Variants in ANKRD10 observed in about 807,000 individuals in gnomAD.
ANKRD10 encodes ankyrin repeat domain 10, also known as ankyrin repeat domain-containing protein 10.
ANKRD10 carries 14 observed loss-of-function variants against 27.0 expected under a neutral mutation model. The ratio of observed to expected loss-of-function variants is 0.52; its 90% confidence interval spans 0.34 to 0.81. The LOEUF (loss-of-function observed/expected upper bound fraction) is 0.81. ANKRD10 is among the 40% of genes least tolerant of loss of function. The probability of loss-of-function intolerance (pLI) is 0.01; values close to 1 mark genes in which losing one functional copy is unlikely to be tolerated. For missense variants in ANKRD10, 493 were observed against 544.0 expected, an observed-to-expected ratio of 0.91 and a Z score of 0.93; for synonymous variants, 250 against 224.5, an observed-to-expected ratio of 1.11 and a Z score of -1.01.
At chr13:110,885,904 A>C (rs905978881) in intron 4 of ANKRD10, among the ~76,000 whole-genome samples, 1 of 152,218 alleles carries the variant, frequency 6.6e-6, no homozygotes, top group South Asian at 2.1e-4. Flanking sequence ...AGGTTAGAAA[A>C]CCGCAACAGA....
At position 110,880,103 on chromosome 13, in the gene ANKRD10, T is replaced by C; in HGVS notation, c.797A>G (p.Asn266Ser). The change falls in exon 6 of 6, where the codon AAC (asparagine) becomes AGC (serine). Residue 266 changes from asparagine to serine, a missense_variant. By Grantham distance (46) the Asn-to-Ser change is conservative. Coordinates refer to ENST00000267339, the MANE Select transcript of ANKRD10 (RefSeq NM_017664.4). ...CAATGTATTCGATACGGAGCTACTG[T>C]TTTTCATATCTGCATTAAGAAATAC... ...REFAVVTDMKNSSSVSNTLTN... is the reference protein window; with the variant it reads ...REFAVVTDMKSSSSVSNTLTN... The C allele has an allele frequency of 6.2e-7, 1 of 1,612,052 alleles. No individual in the cohort carries two copies. The highest frequency in any genetic ancestry group is 8.5e-7 in the Non-Finnish European group (1 of 1,178,394).
chr13:110,883,482 T>G lies in ANKRD10; in HGVS notation c.787+216A>C, dbSNP rs73621183. 1.0e-3 allele frequency: 1,285 copies of G among 1,287,256 alleles called. 11 individuals carry two copies. In the African/African-American group the frequency reaches 0.017, roughly 17 times the overall value. 79.7% of individuals were successfully genotyped at this position (1,287,256 alleles called of 1,614,324 possible). Reference sequence around the variant, plus strand: ...AGATATGCAAATTATAGTATAACATTTTTAAAAAGACACTGGACAACAAAG... The same window carrying G: ...AGATATGCAAATTATAGTATAACATGTTTAAAAAGACACTGGACAACAAAG... On this transcript the variant is annotated intron_variant, in intron 5 of 5. Coordinates refer to ENST00000267339, the MANE Select transcript of ANKRD10 (RefSeq NM_017664.4).
intron 2 of ANKRD10, 136 bp from the exon 3 acceptor site, chr13:110,906,260 G>T: frequency 1.5e-6 from 1 of 671,948 alleles, no homozygotes; most frequent in Non-Finnish European, 2.5e-6. Context: ...ATCTGAAGCA[G>T]AACACAAAGA....
At position 110,893,013 on chromosome 13, in the gene ANKRD10, G is replaced by A. The variant is rs529988455; in HGVS notation, c.691+15C>T. On this transcript the variant is annotated intron_variant, in intron 4 of 5. Transcript: ENST00000267339. The stretch of plus-strand genomic sequence containing the variant: ...AAAAATAAGTGTGCTCTTCCCACCC[G>A]CAAAGCGGTCTCACCTTCAGTTCTA... The A allele has an allele frequency of 2.7e-5, 44 of 1,612,676 alleles. No individual in the cohort carries two copies. The African/African-American group carries it at 4.4e-4, about 16-fold the overall frequency.
chr13:110,885,249 AAAAG>A (rs1244114964), intron 4 of ANKRD10, among the ~76,000 whole-genome samples: 2 of 152,110 alleles, frequency 1.3e-5, no homozygotes, highest in African/African-American at 4.8e-5. Context: ...TCTTTTGAAA[AAAAG>A]AGAGAGAAAA....
intron 3 of ANKRD10, among the ~76,000 whole-genome samples, chr13:110,897,322 A>G (rs2065254572): frequency 7.5e-6 from 1 of 133,742 alleles, no homozygotes; most frequent in African/African-American, 2.9e-5. Context: ...TAATTTTGAG[A>G]GATGTTGCTC....
intron 4 of ANKRD10, among the ~76,000 whole-genome samples, chr13:110,889,733 G>A (rs1269170692): frequency 1.3e-5 from 2 of 152,134 alleles, no homozygotes; most frequent in African/African-American, 4.8e-5. Flanking sequence ...TTTAAAGGGT[G>A]AATTTTACAG....
At chr13:110,906,240 G>A (rs2065529504) in intron 2 of ANKRD10, 116 bp from the exon 3 acceptor site, 1 of 779,768 alleles carries the variant, frequency 1.3e-6, no homozygotes, top group Non-Finnish European at 2.0e-6. Context: ...AGTAAAACAT[G>A]TTGAGCAAGA....
chr13:110,891,962 C>T (rs1212396931), intron 4 of ANKRD10, among the ~76,000 whole-genome samples: 1 of 150,088 alleles, frequency 6.7e-6, no homozygotes, highest in African/African-American at 2.5e-5. Context: ...ATCCTCCTGC[C>T]TCAGCCTCCC....
intron 5 of ANKRD10, 110 bp downstream of exon 5, chr13:110,883,588 C>T: frequency 2.7e-6 from 4 of 1,497,622 alleles, no homozygotes; most frequent in Non-Finnish European, 3.6e-6. Flanking sequence ...GCATTGCTGA[C>T]ACAGTATATA....
chr13:110,897,287 C>T (rs1428980467), intron 3 of ANKRD10, among the ~76,000 whole-genome samples: 2 of 128,512 alleles, frequency 1.6e-5, no homozygotes, highest in Non-Finnish European at 3.2e-5. Context: ...GCTACCATGC[C>T]TGGCTACTTT....
chr13:110,893,920 A>G (rs1343823441), intron 3 of ANKRD10, among the ~76,000 whole-genome samples: 1 of 152,208 alleles, frequency 6.6e-6, no homozygotes, highest in East Asian at 1.9e-4. Flanking sequence ...GGTTCCTTTA[A>G]AAAGGCTTTG....
chr13:110,899,677 A>G (rs1249368019), intron 3 of ANKRD10, among the ~76,000 whole-genome samples: 1 of 152,150 alleles, frequency 6.6e-6, no homozygotes, highest in Non-Finnish European at 1.5e-5. Context: ...TATAAATTCA[A>G]TCTCCTGTAA....
chr13:110,913,467 C>T (rs1255292340), intron 1 of ANKRD10, among the ~76,000 whole-genome samples: 2 of 152,234 alleles, frequency 1.3e-5, no homozygotes, highest in Non-Finnish European at 2.9e-5. Flanking sequence ...GCCACAGGAA[C>T]CTAACAGCCC....
chr13:110,890,035 G>T lies in ANKRD10; in HGVS notation c.691+2993C>A, dbSNP rs529246177. On this transcript the variant is annotated intron_variant, in intron 4 of 5. Transcript: ENST00000267339. Reference sequence around the variant, plus strand: ...ATTTTATATACATGTGTTAAATGAGGAAAAAAGAATTTATCATTTCTTTTA... The same window carrying T: ...ATTTTATATACATGTGTTAAATGAGTAAAAAAGAATTTATCATTTCTTTTA... Among the ~76,000 whole-genome samples the T allele has an allele frequency of 6.6e-5, 10 of 151,802 alleles. No individual in the cohort carries two copies. In the East Asian group the frequency reaches 1.9e-3, roughly 29 times the overall value.
chr13:110,879,518 A>G lies in ANKRD10; in HGVS notation c.*119T>C. On this transcript the variant is annotated 3_prime_UTR_variant, in exon 6 of 6. Coordinates refer to ENST00000267339, the MANE Select transcript of ANKRD10 (RefSeq NM_017664.4). ...ACTTGTCGAAGTTTACTTTTTCAGA[A>G]AGTTGAAGTATATAAAAAACGTACA... The G allele has an allele frequency of 1.2e-5, 9 of 776,284 alleles. No individual in the cohort carries two copies. The South Asian group carries it at 1.4e-4, about 12-fold the overall frequency. The allele number at this position is 776,284 out of a possible 1,614,324, so 48.1% of individuals were successfully genotyped here.
Position 110,893,207 on chromosome 13 carries a change from T to G in ANKRD10, c.512A>C (p.Gln171Pro), listed in dbSNP as rs149898477. 5.6e-5 allele frequency: 90 copies of G among 1,614,082 alleles called. No homozygotes were observed. The highest frequency in any genetic ancestry group is 1.6e-4 in the Middle Eastern group (1 of 6,084). Residue 171 changes from glutamine to proline, a missense_variant, in exon 4 of 6, where the codon CAA becomes CCA. Transcript: ENST00000267339. ...AADIAQTQGF[Q>P]ECAQFLLNLQ... Reference sequence around the variant, plus strand: ...GTTCAAGAGAAACTGGGCACACTCTTGGAAACCCTGGGTTTGTGCAATGTC... The same window carrying G: ...GTTCAAGAGAAACTGGGCACACTCTGGGAAACCCTGGGTTTGTGCAATGTC...
intron 4 of ANKRD10, among the ~76,000 whole-genome samples, chr13:110,892,344 T>G (rs1348085174): frequency 7.3e-6 from 1 of 137,520 alleles, no homozygotes; most frequent in East Asian, 2.3e-4. Flanking sequence ...ACAGGAGAAT[T>G]GCTTTAACTT....
chr13:110,898,741 TTTTC>T (rs2065296470), intron 3 of ANKRD10, among the ~76,000 whole-genome samples: 1 of 120,376 alleles, frequency 8.3e-6, no homozygotes, highest in African/African-American at 2.8e-5. Flanking sequence ...CCCAACTAGT[TTTTC>T]TTTTCTTTTT....
Sources: allele counts gnomAD v4.1 joint callset (sites outside exome capture counted in the v4.1 genomes callset), GRCh38; gene constraint gnomAD v4.1.1; transcripts MANE v1.5; gene names NCBI Gene and HGNC (gene_info 2026-07-23, HGNC 2026-07-21).